The following DAB2IP variants were observed in gnomAD, a reference collection of about 807,000 sequenced individuals.
DAB2IP encodes the protein disabled homolog 2-interacting protein.
DAB2IP carries 28 observed loss-of-function variants against 107.2 expected under a neutral mutation model. The ratio of observed to expected loss-of-function variants is 0.26; its 90% confidence interval spans 0.19 to 0.36. DAB2IP has a LOEUF of 0.36. DAB2IP is among the 10% of genes least tolerant of loss of function. The pLI, the probability that DAB2IP is intolerant of heterozygous loss-of-function variation, is 1.00. For synonymous variants in DAB2IP, 755 were observed against 706.4 expected (o/e 1.07, Z -1.09); for missense variants, 1,400 against 1,644.7 (o/e 0.85, Z 2.57).
intron 2 of DAB2IP, among the ~76,000 whole-genome samples, chr9:121,694,074 G>A (rs547620626): frequency 6.6e-6 from 1 of 152,280 alleles, no homozygotes; most frequent in African/African-American, 2.4e-5. Flanking sequence ...CTGTGGGACA[G>A]CTCTGCACTC....
rs71370683 is a variant in DAB2IP, at chr9:121,641,995, TTCTCTC to T, written c.41-36651_41-36646del. Among the ~76,000 whole-genome samples, 167 of 34,954 alleles carry T rather than the reference TTCTCTC, an allele frequency of 4.8e-3. 8 individuals carry two copies. Among genetic ancestry groups the T allele is most frequent in the East Asian group, 9.3e-3 (10 of 1,076 alleles). 22.9% of individuals were successfully genotyped at this position (34,954 alleles called of 152,430 possible). A position where few individuals can be genotyped will look rare whatever the true frequency, so the allele number is the denominator to read the frequency against. On this transcript the variant is annotated intron_variant, in intron 1 of 16. Transcript: ENST00000259371. The stretch of plus-strand genomic sequence containing the variant: ...CTCTTTCTTTCTTTCTTTCTTTCCT[TTCTCTC>T]TCTCTCTCTCTCTCTCTCTCTCTCT...
At chr9:121,738,633 C>G (rs1176177402) in intron 3 of DAB2IP, among the ~76,000 whole-genome samples, 1 of 152,228 alleles carries the variant, frequency 6.6e-6, no homozygotes, top group Admixed American at 6.5e-5. Flanking sequence ...GTGCCTCTGT[C>G]TGACCCCAGA....
At chr9:121,641,892 C>CCTTCCTTTCTTT (rs1832304037) in intron 1 of DAB2IP, among the ~76,000 whole-genome samples, 4 of 89,344 alleles carry the variant, frequency 4.5e-5, no homozygotes, top group East Asian at 3.6e-4. Context: ...CATTTCTTTC[C>CCTTCCTTTCTTT]CTTTCTTTCT....
intron 1 of DAB2IP, among the ~76,000 whole-genome samples, chr9:121,626,580 T>A (rs1831655894): frequency 6.6e-6 from 1 of 151,842 alleles, no homozygotes; most frequent in African/African-American, 2.4e-5. Flanking sequence ...TCTGCCACCA[T>A]GCCCAGCTAA....
chr9:121,627,662 G>A (rs1831711430), intron 1 of DAB2IP, among the ~76,000 whole-genome samples: 1 of 152,194 alleles, frequency 6.6e-6, no homozygotes, highest in African/African-American at 2.4e-5. Context: ...GGGCAGAGTT[G>A]GGGTGGGCCC....
At chr9:121,739,999 G>T (rs865991321) in intron 3 of DAB2IP, among the ~76,000 whole-genome samples, 11 of 152,182 alleles carry the variant, frequency 7.2e-5, no homozygotes, top group Non-Finnish European at 1.5e-4. Context: ...GTTGACTTTG[G>T]CAACATGAAG....
At chr9:121,753,055 T>TG (rs1221402956) in intron 3 of DAB2IP, 1 of 152,072 alleles carries the variant, frequency 6.6e-6, no homozygotes, top group Admixed American at 6.6e-5. Context: ...GGAGATTCTG[T>TG]GAGGTGACTT....
At position 121,772,708 on chromosome 9, in the gene DAB2IP, C is replaced by T. The variant is rs759544355; in HGVS notation, c.2180C>T (p.Ser727Leu). Residue 727 changes from serine (S) to leucine (L), a missense_variant, in exon 12 of 16, where the codon TCG (serine) becomes TTG (leucine). Ser to Leu is a moderately radical substitution (Grantham distance 145). Transcript: ENST00000408936. This position sits in a 1 kb window ranked among gnomAD's most constrained non-coding sequence, Gnocchi z 4.7. ...GTCCAGCCCTCACCTGCCCGCAGCTCGAGTTACTCGGAAGCCAACGAGCCT... is the reference window on the plus strand; with the variant it reads ...GTCCAGCCCTCACCTGCCCGCAGCTTGAGTTACTCGGAAGCCAACGAGCCT... 2.2e-5 allele frequency: 35 copies of T among 1,613,878 alleles called. No homozygotes were observed. In the Admixed American group the frequency reaches 2.7e-4, roughly 12 times the overall value.
chr9:121,622,119 G>A (rs1363171582), intron 1 of DAB2IP, among the ~76,000 whole-genome samples: 1 of 151,182 alleles, frequency 6.6e-6, no homozygotes, highest in African/African-American at 2.4e-5. Flanking sequence ...CTCCTGAGTA[G>A]CTGGGACTAC....
At chr9:121,754,983 C>A (rs1028906156) in intron 3 of DAB2IP, among the ~76,000 whole-genome samples, 1 of 152,222 alleles carries the variant, frequency 6.6e-6, no homozygotes, top group African/African-American at 2.4e-5. Flanking sequence ...GCAGCCCAAT[C>A]CCAGCCAGTG....
chr9:121,568,920 C>A (rs1052130469), intron 1 of DAB2IP, among the ~76,000 whole-genome samples: 2 of 152,230 alleles, frequency 1.3e-5, no homozygotes, highest in Non-Finnish European at 2.9e-5. Flanking sequence ...GCACAATCAG[C>A]TCCTTGTCCT....
At chr9:121,695,110 G>T (rs556591249) in intron 2 of DAB2IP, among the ~76,000 whole-genome samples, 33 of 152,178 alleles carry the variant, frequency 2.2e-4, no homozygotes, top group African/African-American at 7.7e-4. Flanking sequence ...TGGGCATCGG[G>T]AGTCTCAGTG....
chr9:121,701,571 G>C lies in DAB2IP; in HGVS notation c.362+2113G>C, dbSNP rs1829785392. Among the ~76,000 whole-genome samples the C allele has an allele frequency of 6.6e-6, 1 of 152,216 alleles. No homozygotes were observed. The highest frequency in any genetic ancestry group is 1.5e-5 in the Non-Finnish European group (1 of 68,044). On this transcript the variant is annotated intron_variant, in intron 3 of 15. Coordinates refer to ENST00000408936, the Ensembl canonical transcript of DAB2IP. This position sits in a 1 kb window ranked among gnomAD's most constrained non-coding sequence, Gnocchi z 4.7. Reference sequence around the variant, plus strand: ...TCCCATGGACAGGCAGAAAGACTGGGTTTGAAATCTCTCTACCCAGCCTTG... The same window carrying C: ...TCCCATGGACAGGCAGAAAGACTGGCTTTGAAATCTCTCTACCCAGCCTTG...
At chr9:121,600,702 T>C (rs1388344605) in intron 1 of DAB2IP, among the ~76,000 whole-genome samples, 1 of 152,144 alleles carries the variant, frequency 6.6e-6, no homozygotes, top group African/African-American at 2.4e-5. Context: ...AGTAAAAAAA[T>C]GGAACCAAAC....
At chr9:121,691,423 C>T (rs537379815) in intron 2 of DAB2IP, among the ~76,000 whole-genome samples, 9 of 151,214 alleles carry the variant, frequency 6.0e-5, no homozygotes, top group East Asian at 2.0e-4. Flanking sequence ...TTCTGGCTAA[C>T]GGCTGGGCTG....
intron 1 of DAB2IP, among the ~76,000 whole-genome samples, chr9:121,631,726 GA>G (rs750765427): frequency 6.8e-6 from 1 of 147,784 alleles, no homozygotes; most frequent in Non-Finnish European, 1.5e-5. Context: ...TGAGACAGGA[GA>G]ATCGCTTGAA....
intron 1 of DAB2IP, among the ~76,000 whole-genome samples, chr9:121,615,109 T>G (rs1299737668): frequency 6.6e-6 from 1 of 152,178 alleles, no homozygotes; most frequent in African/African-American, 2.4e-5. Context: ...CTTAACTGCC[T>G]TAGTGTATCC....
At chr9:121,632,368 C>T (rs902222268) in intron 1 of DAB2IP, among the ~76,000 whole-genome samples, 1 of 152,172 alleles carries the variant, frequency 6.6e-6, no homozygotes, top group African/African-American at 2.4e-5. Context: ...CAGATGGGTC[C>T]TGGTGACCCA....
chr9:121,752,233 C>G (rs974855371), intron 3 of DAB2IP, among the ~76,000 whole-genome samples: 2 of 152,050 alleles, frequency 1.3e-5, no homozygotes, highest in Non-Finnish European at 2.9e-5. Flanking sequence ...GCTGCCCTGA[C>G]GACCCACCCT....
Sources: allele counts gnomAD v4.1 joint callset (sites outside exome capture counted in the v4.1 genomes callset), GRCh38; gene constraint gnomAD v4.1.1; non-coding constraint Gnocchi (gnomAD v3.1); transcripts MANE v1.5; gene names NCBI Gene and HGNC (gene_info 2026-07-23, HGNC 2026-07-21).